Variants in ABCF2 observed in about 807,000 individuals in gnomAD.
ABCF2 encodes the protein ATP binding cassette subfamily F member 2, also known as ATP-binding cassette sub-family F member 2.
In ABCF2, 37 loss-of-function variants were observed where a neutral mutation model predicts 76.9. That is an observed-to-expected ratio of 0.48 (90% CI 0.37 to 0.63). The LOEUF is 0.63. Among genes scored for constraint, ABCF2 ranks in the 30% least tolerant of loss-of-function variants. The pLI, the probability that ABCF2 is intolerant of heterozygous loss-of-function variation, is 0.00. For synonymous variants in ABCF2, 299 were observed against 283.7 expected (o/e 1.05, Z -0.54); for missense variants, 524 against 782.1 (o/e 0.67, Z 3.94).
chr7:151,224,020 A>C lies in ABCF2; in HGVS notation c.462T>G (p.Ser154Arg). ...TCACACAATGCAAGGGTGTCTTGTC[A>C]CTAGGGGGCATCTCTCGAGTCAGAT... is the stretch of plus-strand genomic sequence containing the variant. ...IYHLTREMPP[S>R]DKTPLHCVME... The change falls in exon 4 of 15, where the codon AGT (serine) becomes AGG (arginine). Residue 154 changes from serine to arginine, a missense_variant. Around this residue, in one of 2 missense-constraint regions of ABCF2, gnomAD observed 330 missense variants for 433.6 expected, o/e 0.76. Coordinates refer to ENST00000287844, the MANE Select transcript of ABCF2 (RefSeq NM_007189.3). 6.2e-7 allele frequency: 1 copy of C among 1,614,050 alleles called. No individual in the cohort carries two copies. Among genetic ancestry groups the C allele is most frequent in the Non-Finnish European group, 8.5e-7 (1 of 1,179,994 alleles).
At chr7:151,217,948 C>T (rs1315845542) in intron 11 of ABCF2, 133 bp downstream of exon 11, 10 of 652,112 alleles carry the variant, frequency 1.5e-5, no homozygotes, top group African/African-American at 1.1e-4. Context: ...TGCTGCTCCA[C>T]CCCTCCAGAT....
rs1214997975 is a variant in ABCF2 at position 151,213,131 on chromosome 7, C to T, written c.*923G>A. On this transcript the variant is annotated 3_prime_UTR_variant, in exon 15 of 15. Coordinates refer to ENST00000287844, the MANE Select transcript of ABCF2 (RefSeq NM_007189.3). ...GAACCTCAGATCACAATCAGAAAACCACGCTCCTGGACAGTGGTTCTCAAA... is the reference window on the plus strand; with the variant it reads ...GAACCTCAGATCACAATCAGAAAACTACGCTCCTGGACAGTGGTTCTCAAA... The T allele has an allele frequency of 1.4e-5, 14 of 985,264 alleles. No individual in the cohort carries two copies. Among genetic ancestry groups the T allele is most frequent in the Non-Finnish European group, 1.6e-5 (13 of 829,934 alleles). The allele number at this position is 985,264 out of a possible 1,614,324, so 61.0% of individuals were successfully genotyped here. A position where few individuals can be genotyped will look rare whatever the true frequency, so the allele number is the denominator to read the frequency against.
At position 151,214,108 on chromosome 7, in the gene ABCF2, C is replaced by T. The variant is rs2150571856; in HGVS notation, c.1818G>A (p.Lys606=). The T allele has an allele frequency of 3.1e-6, 5 of 1,614,180 alleles. No homozygotes were observed. The Middle Eastern group carries it at 6.6e-4, about 213-fold the overall frequency. ...GDILAYKEHL[K]SKLVDEEPQL... is the part of the protein sequence containing the mutation. Reference sequence around the variant, plus strand: ...GGGGCTCCTCATCCACCAGCTTGGACTTGAGGTGCTCCTTGTAAGCCAGGA... The same window carrying T: ...GGGGCTCCTCATCCACCAGCTTGGATTTGAGGTGCTCCTTGTAAGCCAGGA... The change falls in exon 15 of 15, where the codon AAG becomes AAA. Residue 606 remains lysine, a synonymous_variant. Transcript: ENST00000287844. This position sits in a 1 kb window ranked among gnomAD's most constrained non-coding sequence, Gnocchi z 4.9.
chr7:151,212,383 C>A lies in ABCF2; in HGVS notation c.*1671G>T. Reference sequence around the variant, plus strand: ...GGTAAAAATACAAAATTTCCTGTATCCCAATAGGAAGAGAGGTTCACAGAC... The same window carrying A: ...GGTAAAAATACAAAATTTCCTGTATACCAATAGGAAGAGAGGTTCACAGAC... On this transcript the variant is annotated 3_prime_UTR_variant, in exon 15 of 15. Transcript: ENST00000287844. The A allele has an allele frequency of 3.0e-6, 3 of 985,482 alleles. No homozygotes were observed. Among genetic ancestry groups the A allele is most frequent in the Non-Finnish European group, 3.6e-6 (3 of 829,944 alleles). The allele number at this position is 985,482 out of a possible 1,614,324, so 61.0% of individuals were successfully genotyped here.
intron 11 of ABCF2, among the ~76,000 whole-genome samples, chr7:151,217,221 C>T (rs1470280319): frequency 6.6e-6 from 1 of 152,212 alleles, no homozygotes; most frequent in Non-Finnish European, 1.5e-5. Context: ...CTGAAGAGGA[C>T]ACCATTCCAT....
intron 11 of ABCF2, among the ~76,000 whole-genome samples, chr7:151,217,789 C>T (rs1802181282): frequency 6.7e-6 from 1 of 148,576 alleles, no homozygotes; most frequent in African/African-American, 2.5e-5. Context: ...GAGACTCCAC[C>T]TCAAAAAAAA....
Position 151,212,551 on chromosome 7 carries a change from T to G in ABCF2, c.*1503A>C. 1 of 957,928 alleles carries G rather than the reference T, an allele frequency of 1.0e-6. No individual in the cohort carries two copies. Among genetic ancestry groups the G allele is most frequent in the Non-Finnish European group, 1.2e-6 (1 of 804,856 alleles). 59.3% of individuals were successfully genotyped at this position (957,928 alleles called of 1,614,324 possible). ...GTCTCGGTCTGTCATCAGGCTGGAG[T>G]GTAGCGGCACGCTCTGCTCACTGCA... is the stretch of plus-strand genomic sequence containing the variant. On this transcript the variant is annotated 3_prime_UTR_variant, in exon 15 of 15. Coordinates refer to ENST00000287844, the MANE Select transcript of ABCF2 (RefSeq NM_007189.3).
intron 1 of ABCF2, chr7:151,226,774 G>A (rs1328228674): frequency 1.2e-5 from 3 of 247,792 alleles, no homozygotes; most frequent in Admixed American, 5.6e-5. Flanking sequence ...CTCCGGCTGG[G>A]GACCAGGTTC....
In ABCF2 at chr7:151,212,323, G is replaced by A; in HGVS notation, c.*1731C>T. On this transcript the variant is annotated 3_prime_UTR_variant, in exon 15 of 15. Coordinates refer to ENST00000287844, the MANE Select transcript of ABCF2 (RefSeq NM_007189.3). ...GTATGCAGAGCCCTGGGCTGGAAGT[G>A]AATTCAACAGTGATGATAACTATGG... 2.0e-6 allele frequency: 2 copies of A among 985,422 alleles called. No homozygotes were observed. The highest frequency in any genetic ancestry group is 2.4e-6 in the Non-Finnish European group (2 of 829,930). The allele number at this position is 985,422 out of a possible 1,614,324, so 61.0% of individuals were successfully genotyped here.
At chr7:151,216,060 GAAAC>G (rs1802144657) in intron 11 of ABCF2, 31 bp from the exon 12 acceptor site, 2 of 1,593,988 alleles carry the variant, frequency 1.3e-6, no homozygotes, top group African/African-American at 2.7e-5. Flanking sequence ...ACGTAAGCAT[GAAAC>G]AAAGGAAGCC....
rs745451261 is a variant in ABCF2, at chr7:151,213,282, A to T, written c.*772T>A. 2 of 979,364 alleles carry T rather than the reference A, an allele frequency of 2.0e-6. No individual in the cohort carries two copies. The highest frequency in any genetic ancestry group is 1.7e-5 in the African/African-American group (1 of 57,208). 60.7% of individuals were successfully genotyped at this position (979,364 alleles called of 1,614,324 possible). A position where few individuals can be genotyped will look rare whatever the true frequency, so the allele number is the denominator to read the frequency against. ...CGAGATCTGGCAATCTGATTGCATGAGCCCTCCAGGTGATTCTGATTCATG... is the reference window on the plus strand; with the variant it reads ...CGAGATCTGGCAATCTGATTGCATGTGCCCTCCAGGTGATTCTGATTCATG... On this transcript the variant is annotated 3_prime_UTR_variant, in exon 15 of 15. Coordinates refer to ENST00000287844, the MANE Select transcript of ABCF2 (RefSeq NM_007189.3).
Position 151,226,514 on chromosome 7 carries a change from A to G in ABCF2, c.-42-14T>C, listed in dbSNP as rs928573817. On this transcript the variant is annotated splice_polypyrimidine_tract_variant and intron_variant, in intron 1 of 14. Transcript: ENST00000287844. Reference sequence around the variant, plus strand: ...GTTTCAGGGAGCCTGAAGGAAGGCAAACAGATACCCCCAAACCCTAAACTT... The same window carrying G: ...GTTTCAGGGAGCCTGAAGGAAGGCAGACAGATACCCCCAAACCCTAAACTT... 1.2e-5 allele frequency: 19 copies of G among 1,576,768 alleles called. No homozygotes were observed. The highest frequency in any genetic ancestry group is 1.9e-4 in the Middle Eastern group (1 of 5,258).
Position 151,213,251 on chromosome 7 carries a change from CT to C in ABCF2, c.*802del, listed in dbSNP as rs1802083440. 1 of 976,480 alleles carries C rather than the reference CT, an allele frequency of 1.0e-6. No homozygotes were observed. Among genetic ancestry groups the C allele is most frequent in the Admixed American group, 6.2e-5 (1 of 16,256 alleles). The allele number at this position is 976,480 out of a possible 1,614,324, so 60.5% of individuals were successfully genotyped here. The stretch of plus-strand genomic sequence containing the variant: ...CCCAAAACCTATTGAACCAGAAACG[CT>C]GAGGCGAGATCTGGCAATCTGATTG... On this transcript the variant is annotated 3_prime_UTR_variant, in exon 15 of 15. Coordinates refer to ENST00000287844, the MANE Select transcript of ABCF2 (RefSeq NM_007189.3).
At chr7:151,223,458 C>A (rs943889663) in intron 5 of ABCF2, among the ~76,000 whole-genome samples, 1 of 152,192 alleles carries the variant, frequency 6.6e-6, no homozygotes, top group African/African-American at 2.4e-5. Context: ...AAACTCTGTG[C>A]TGGGTGCTAA....
At chr7:151,220,805 T>C (rs143819005) in intron 7 of ABCF2, among the ~76,000 whole-genome samples, 13,719 of 152,292 alleles carry the variant, frequency 0.09, 739 homozygotes, top group Non-Finnish European at 0.12. Context: ...CTGGCCAACA[T>C]GGCAAAATCC....
Position 151,215,898 on chromosome 7 carries a change from G to C in ABCF2, c.1401+69C>G. On this transcript the variant is annotated intron_variant, in intron 12 of 14. Transcript: ENST00000287844. This position sits in a 1 kb window ranked among gnomAD's most constrained non-coding sequence, Gnocchi z 4.6. The stretch of plus-strand genomic sequence containing the variant: ...GCCAGGGGGTGGGGGCGGCTGGCTG[G>C]AACTCAGCCAGATACAGCCCCTCCC... 6.3e-7 allele frequency: 1 copy of C among 1,587,006 alleles called. No homozygotes were observed. The highest frequency in any genetic ancestry group is 8.6e-7 in the Non-Finnish European group (1 of 1,158,954).
Position 151,212,938 on chromosome 7 carries a change from C to T in ABCF2, c.*1116G>A, listed in dbSNP as rs373768512. 3.8e-5 allele frequency: 14 copies of T among 372,928 alleles called. No individual in the cohort carries two copies. The East Asian group carries it at 1.3e-3, about 35-fold the overall frequency. 23.1% of individuals were successfully genotyped at this position (372,928 alleles called of 1,614,324 possible). ...CCTAGCCACCTGAGCAGGTGGGATT[C>T]CAGGCACATAAAGACGGGTTTTGCC... On this transcript the variant is annotated 3_prime_UTR_variant, in exon 15 of 15. Coordinates refer to ENST00000287844, the MANE Select transcript of ABCF2 (RefSeq NM_007189.3).
rs1802377860 is a variant in ABCF2, at chr7:151,226,601, C to G, written c.-42-101G>C. On this transcript the variant is annotated intron_variant, in intron 1 of 14. Coordinates refer to ENST00000287844, the MANE Select transcript of ABCF2 (RefSeq NM_007189.3). The stretch of plus-strand genomic sequence containing the variant: ...CAGGAATCTTCGTATCAACATCAAG[C>G]CTCTGATGCCCTGGCCTGCCCCCGC... The G allele has an allele frequency of 2.4e-5, 21 of 889,668 alleles. 1 individual carries two copies. The South Asian group carries it at 2.4e-4, about 10-fold the overall frequency. 55.1% of individuals were successfully genotyped at this position (889,668 alleles called of 1,614,324 possible). A position where few individuals can be genotyped will look rare whatever the true frequency, so the allele number is the denominator to read the frequency against.
At position 151,213,226 on chromosome 7, in the gene ABCF2, C is replaced by T; in HGVS notation, c.*828G>A. ...AGAAATGTTAACGTTCTTGGTCTCC[C>T]CCAAAACCTATTGAACCAGAAACGC... On this transcript the variant is annotated 3_prime_UTR_variant, in exon 15 of 15. Transcript: ENST00000287844. 5 of 980,250 alleles carry T rather than the reference C, an allele frequency of 5.1e-6. No homozygotes were observed. The highest frequency in any genetic ancestry group is 6.1e-6 in the Non-Finnish European group (5 of 825,282). 60.7% of individuals were successfully genotyped at this position (980,250 alleles called of 1,614,324 possible).
Sources: gnomAD v4.1 joint callset for allele counts (sites outside exome capture counted in the v4.1 genomes callset) on GRCh38, gnomAD v4.1.1 for gene constraint, gnomAD v4.1.1 regional missense constraint, Gnocchi (gnomAD v3.1) non-coding constraint, MANE v1.5 for transcripts, NCBI Gene and HGNC (gene_info 2026-07-23, HGNC 2026-07-21) for gene names.